Variants in TBATA observed in about 807,000 individuals in gnomAD.
TBATA encodes the protein protein TBATA.
Under a neutral mutation model 38.7 loss-of-function variants are expected in TBATA, and 47 were observed. The ratio of observed to expected loss-of-function variants is 1.21; its 90% CI spans 0.96 to 1.55. The LOEUF (loss-of-function observed/expected upper bound fraction) is 1.55. Ranked by LOEUF, TBATA falls within the 40% of genes most tolerant of loss-of-function variation. The pLI, the probability that TBATA is intolerant of heterozygous loss-of-function variation, is 0.00. For synonymous variants in TBATA, 183 were observed against 170.5 expected (o/e 1.07, Z -0.57); for missense variants, 436 against 435.6 (o/e 1.00, Z -0.01).
Position 70,775,258 on chromosome 10 carries a change from G to T in TBATA, c.706C>A (p.Leu236Met). The change falls in exon 8 of 11, where the codon CTG (leucine) becomes ATG (methionine). Residue 236 changes from leucine to methionine, a missense_variant. Leu to Met is a conservative substitution (Grantham distance 15). Transcript: ENST00000456372. The stretch of plus-strand genomic sequence containing the variant: ...AAGTCTGTTTCCAGGATCCGACACA[G>T]GAGCTCCAGGACCTGTGGGCAGGAG... ...QDQELLVLEL[L>M]CRILETDLLS... is the part of the protein sequence containing the mutation. 1 of 1,614,092 alleles carries T rather than the reference G, an allele frequency of 6.2e-7. No homozygotes were observed. The highest frequency in any genetic ancestry group is 8.5e-7 in the Non-Finnish European group (1 of 1,179,962).
chr10:70,772,517 GT>G lies in TBATA; in HGVS notation c.969del (p.Lys323AsnfsTer34). ...TKISPFTKSE[K>X]PEYIGEAQVL... ...GACCCACTACTTGGAATCTTACCTGGTTTTTCGCTTTTTGTAAAAGGTGATA... is the reference window on the plus strand; with the variant it reads ...GACCCACTACTTGGAATCTTACCTGGTTTTCGCTTTTTGTAAAAGGTGATA... On this transcript the variant is annotated frameshift_variant, in exon 10 of 11. Transcript: ENST00000456372. LOFTEE classifies it low-confidence loss of function (END_TRUNC). 6.2e-7 allele frequency: 1 copy of G among 1,614,120 alleles called. No homozygotes were observed. Among genetic ancestry groups the G allele is most frequent in the Non-Finnish European group, 8.5e-7 (1 of 1,179,988 alleles).
chr10:70,781,794 G>C lies in TBATA; in HGVS notation c.277+7C>G. ...CTCTGCTCCCACCCCAACCAGCCAG[G>C]CCCTACCTTGGATGTGGGTCACGTG... On this transcript the variant is annotated splice_region_variant and intron_variant, in intron 4 of 10. Transcript: ENST00000456372. 7 of 1,612,786 alleles carry C rather than the reference G, an allele frequency of 4.3e-6. No individual in the cohort carries two copies. Among genetic ancestry groups the C allele is most frequent in the Non-Finnish European group, 5.9e-6 (7 of 1,178,776 alleles).
intron 9 of TBATA, 189 bp downstream of exon 9, chr10:70,774,024 G>T: frequency 3.0e-6 from 1 of 330,532 alleles, no homozygotes; most frequent in Non-Finnish European, 4.3e-6. Context: ...GGCTGGTCTG[G>T]CTGTGTTGGC....
At chr10:70,782,066 T>C in intron 3 of TBATA, 30 bp from the exon 4 acceptor site, 1 of 1,609,678 alleles carries the variant, frequency 6.2e-7, no homozygotes, top group East Asian at 2.2e-5. Context: ...GAGAAGCTAA[T>C]GGAGTCTCCT....
In TBATA at chr10:70,783,408, G is replaced by A. The variant is rs1256136606; in HGVS notation, c.-29C>T. On this transcript the variant is annotated 5_prime_UTR_variant, in exon 3 of 11. Transcript: ENST00000456372. ...ATGCTTTTTAACAGACTAAAGGCCA[G>A]TGCACTTAATACTAGCGTTGAGGAT... 2 of 1,613,504 alleles carry A rather than the reference G, an allele frequency of 1.2e-6. No homozygotes were observed. Among genetic ancestry groups the A allele is most frequent in the African/African-American group, 1.3e-5 (1 of 74,928 alleles).
Position 70,782,016 on chromosome 10 carries a change from A to G in TBATA, c.62T>C (p.Leu21Pro), listed in dbSNP as rs1293153084. Residue 21 changes from leucine (L) to proline (P), a missense_variant, in exon 4 of 11, where the codon CTG becomes CCG. Physicochemically the swap from Leu to Pro is moderately conservative, Grantham distance 98 (BLOSUM62 -3). Transcript: ENST00000456372. ...TGGCTTGCGCCCTGACTTCTTCTCC[A>G]GTTTCAGCTCAGCCTTTGGACTGAA... ...PLMSPKAELK[L>P]EKKSGRKPRS... is the part of the protein sequence containing the mutation. The G allele has an allele frequency of 1.2e-6, 2 of 1,614,160 alleles. No individual in the cohort carries two copies. The highest frequency in any genetic ancestry group is 1.7e-5 in the Admixed American group (1 of 60,026).
At chr10:70,773,422 C>T (rs1211302172) in intron 9 of TBATA, among the ~76,000 whole-genome samples, 1 of 151,768 alleles carries the variant, frequency 6.6e-6, no homozygotes, top group East Asian at 1.9e-4. Context: ...TCAGTGTTTC[C>T]CAAACTCTGT....
Position 70,774,341 on chromosome 10 carries a change from C to T in TBATA, c.792G>A (p.Leu264=). 1.3e-6 allele frequency: 2 copies of T among 1,598,158 alleles called. No homozygotes were observed. Among genetic ancestry groups the T allele is most frequent in the Non-Finnish European group, 1.7e-6 (2 of 1,173,284 alleles). The change falls in exon 9 of 11, where the codon CTG becomes CTA. Residue 264 remains leucine (L), a synonymous_variant. Transcript: ENST00000456372. ...YAPPKEKDLA[L]GLLQTAVAQL... is the part of the protein sequence containing the mutation. The stretch of plus-strand genomic sequence containing the variant: ...GAGCCACTGCTGTCTGCAGGAGTCC[C>T]AGAGCGAGGTCTTTTTCTGAAAGCA...
intron 3 of TBATA, chr10:70,782,555 G>T (rs1844378425): frequency 1.0e-6 from 1 of 985,346 alleles, no homozygotes; most frequent in Non-Finnish European, 1.2e-6. Context: ...GCTTAGGCCA[G>T]ACCAGACCAG....
In TBATA at chr10:70,772,508, T is replaced by C; in HGVS notation, c.973+6A>G. ...CCCCCAAATGACCCACTACTTGGAA[T>C]CTTACCTGGTTTTTCGCTTTTTGTA... is the stretch of plus-strand genomic sequence containing the variant. On this transcript the variant is annotated splice_donor_region_variant and intron_variant, in intron 10 of 10. Coordinates refer to ENST00000456372, the MANE Select transcript of TBATA (RefSeq NM_001318241.2). 1 of 1,614,160 alleles carries C rather than the reference T, an allele frequency of 6.2e-7. No individual in the cohort carries two copies. The highest frequency in any genetic ancestry group is 8.5e-7 in the Non-Finnish European group (1 of 1,179,980).
Position 70,782,042 on chromosome 10 carries a change from G to A in TBATA, c.42-6C>T, listed in dbSNP as rs560341501. On this transcript the variant is annotated splice_region_variant and splice_polypyrimidine_tract_variant and intron_variant, in intron 3 of 10. Coordinates refer to ENST00000456372, the MANE Select transcript of TBATA (RefSeq NM_001318241.2). Reference sequence around the variant, plus strand: ...GTTTCAGCTCAGCCTTTGGACTGAAGGAGGGGGTTTCAGGAGAAGCTAATG... The same window carrying A: ...GTTTCAGCTCAGCCTTTGGACTGAAAGAGGGGGTTTCAGGAGAAGCTAATG... 1,665 of 1,613,856 alleles carry A rather than the reference G, an allele frequency of 1.0e-3. 41 individuals carry two copies. In the South Asian group the frequency reaches 0.017, roughly 17 times the overall value.
intron 9 of TBATA, among the ~76,000 whole-genome samples, chr10:70,773,860 A>G (rs961523983): frequency 2.0e-5 from 3 of 152,212 alleles, no homozygotes; most frequent in African/African-American, 7.2e-5. Flanking sequence ...GTACTGGTAT[A>G]AAACCACTGC....
At position 70,771,529 on chromosome 10, in the gene TBATA, G is replaced by A; in HGVS notation, c.974-68C>T. On this transcript the variant is annotated intron_variant, in intron 10 of 10. Coordinates refer to ENST00000456372, the MANE Select transcript of TBATA (RefSeq NM_001318241.2). ...TGGGGCCCCCACCTGGGAGCTGCAG[G>A]TGGATGTGTGAGTGCTGAGGGGAAG... 7 of 1,470,048 alleles carry A rather than the reference G, an allele frequency of 4.8e-6. No individual in the cohort carries two copies. In the South Asian group the frequency reaches 8.5e-5, roughly 18 times the overall value. The allele number at this position is 1,470,048 out of a possible 1,614,324, so 91.1% of individuals were successfully genotyped here.
intron 6 of TBATA, among the ~76,000 whole-genome samples, chr10:70,778,048 C>A (rs1490835173): frequency 1.3e-5 from 2 of 152,220 alleles, no homozygotes; most frequent in Admixed American, 1.3e-4. Flanking sequence ...AGCTGCCTCT[C>A]AGGTGACTTT....
At chr10:70,783,118 CTCAAG>C (rs1320072785) in intron 3 of TBATA, among the ~76,000 whole-genome samples, 12 of 152,268 alleles carry the variant, frequency 7.9e-5, no homozygotes, top group Admixed American at 7.8e-4. Flanking sequence ...CTGGCACCCG[CTCAAG>C]TCTTTTCCCT....
Position 70,783,530 on chromosome 10 carries a change from A to G in TBATA, c.-146-5T>C. Reference sequence around the variant, plus strand: ...AAGTGTAAACGGGAACAGGCACTTTAGGGGGAGAAATGGTAATATCTTTTA... The same window carrying G: ...AAGTGTAAACGGGAACAGGCACTTTGGGGGGAGAAATGGTAATATCTTTTA... On this transcript the variant is annotated splice_polypyrimidine_tract_variant and splice_region_variant and intron_variant, in intron 2 of 10. Coordinates refer to ENST00000456372, the MANE Select transcript of TBATA (RefSeq NM_001318241.2). The G allele has an allele frequency of 1.3e-6, 1 of 794,160 alleles. No homozygotes were observed. Among genetic ancestry groups the G allele is most frequent in the Non-Finnish European group, 2.1e-6 (1 of 477,268 alleles). 49.2% of individuals were successfully genotyped at this position (794,160 alleles called of 1,614,324 possible).
chr10:70,774,145 C>T, intron 9 of TBATA, 68 bp downstream of exon 9: 1 of 1,586,776 alleles, frequency 6.3e-7, no homozygotes, highest in South Asian at 1.2e-5. Context: ...CTCCCTTCTC[C>T]AGGTCCCACT....
chr10:70,775,392 G>A lies in TBATA; in HGVS notation c.694-122C>T, dbSNP rs1589381570. 3 of 723,448 alleles carry A rather than the reference G, an allele frequency of 4.1e-6. No individual in the cohort carries two copies. In the East Asian group the frequency reaches 8.0e-5, roughly 19 times the overall value. 44.8% of individuals were successfully genotyped at this position (723,448 alleles called of 1,614,324 possible). On this transcript the variant is annotated intron_variant, in intron 7 of 10. Coordinates refer to ENST00000456372, the MANE Select transcript of TBATA (RefSeq NM_001318241.2). ...AGTGGGCTCCCAGAGGCGCCTGCTG[G>A]GCTAAACGTGTTCCCACAAGGGTCT...
At position 70,776,443 on chromosome 10, in the gene TBATA, C is replaced by T. The variant is rs186203476; in HGVS notation, c.693+710G>A. 16 of 455,750 alleles carry T rather than the reference C, an allele frequency of 3.5e-5. No homozygotes were observed. The Middle Eastern group carries it at 9.8e-4, about 28-fold the overall frequency. 28.2% of individuals were successfully genotyped at this position (455,750 alleles called of 1,614,324 possible). On this transcript the variant is annotated intron_variant, in intron 7 of 10. Transcript: ENST00000456372. Reference sequence around the variant, plus strand: ...TGCTGCTCCGTCTCAGGGGACCTGGCCCATGGACTATCACTTGGCAGGGCC... The same window carrying T: ...TGCTGCTCCGTCTCAGGGGACCTGGTCCATGGACTATCACTTGGCAGGGCC...
Sources: allele counts gnomAD v4.1 joint callset (sites outside exome capture counted in the v4.1 genomes callset), GRCh38; gene constraint gnomAD v4.1.1; transcripts MANE v1.5; gene names NCBI Gene and HGNC (gene_info 2026-07-23, HGNC 2026-07-21).